Variants in RIMS2 observed in about 807,000 individuals in gnomAD.
RIMS2 encodes the protein regulating synaptic membrane exocytosis 2, also known as regulating synaptic membrane exocytosis protein 2.
A neutral mutation model predicts 174.4 loss-of-function variants in RIMS2; 59 were observed. The observed-to-expected ratio is 0.34, with a 90% confidence interval of 0.27 to 0.42. The LOEUF is 0.42. RIMS2 is among the 10% of genes least tolerant of loss of function. The pLI, the probability that RIMS2 is intolerant of heterozygous loss-of-function variation, is 1.00. For synonymous variants in RIMS2, 606 were observed against 572.5 expected (o/e 1.06, Z -0.84); for missense variants, 1,620 against 1,666.3 (o/e 0.97, Z 0.48).
chr8:104,064,624 C>T (rs1480833465), intron 19 of RIMS2, among the ~76,000 whole-genome samples: 3 of 151,916 alleles, frequency 2.0e-5, no homozygotes, highest in Non-Finnish European at 2.9e-5. Flanking sequence ...ACAACTCTAG[C>T]ATTTATGAAA....
At chr8:103,840,029 A>AT (rs1357947562) in intron 3 of RIMS2, among the ~76,000 whole-genome samples, 2 of 152,176 alleles carry the variant, frequency 1.3e-5, no homozygotes, top group African/African-American at 4.8e-5. Context: ...TGGAAAGCTA[A>AT]TGTGAAGCTT....
chr8:103,698,580 G>A (rs2097133312), intron 2 of RIMS2, among the ~76,000 whole-genome samples: 1 of 151,980 alleles, frequency 6.6e-6, no homozygotes, highest in Non-Finnish European at 1.5e-5. Flanking sequence ...TTGTATTACT[G>A]GGATAAACCT....
chr8:103,545,760 C>T (rs1158261900), intron 1 of RIMS2, among the ~76,000 whole-genome samples: 3 of 151,708 alleles, frequency 2.0e-5, no homozygotes, highest in African/African-American at 4.9e-5. Flanking sequence ...TAAAAAATTT[C>T]ATATCCAGCC....
chr8:103,740,158 G>A (rs1006534027), intron 2 of RIMS2, among the ~76,000 whole-genome samples: 1 of 152,134 alleles, frequency 6.6e-6, no homozygotes, highest in African/African-American at 2.4e-5. Context: ...CTTTTCTTCT[G>A]TTGTCAGAAT....
chr8:104,172,252 G>A (rs117955905), intron 19 of RIMS2, among the ~76,000 whole-genome samples: 2,445 of 152,218 alleles, frequency 0.016, 31 homozygotes, highest in Non-Finnish European at 0.025. Flanking sequence ...CTCTCAGTTA[G>A]GGCATCATCT....
chr8:103,684,788 TG>T (rs1228034370), intron 1 of RIMS2, among the ~76,000 whole-genome samples: 2 of 151,970 alleles, frequency 1.3e-5, no homozygotes, highest in African/African-American at 4.8e-5. Context: ...GATTTCCCTA[TG>T]TTGGCCAGGT....
At chr8:103,819,826 C>A (rs990881183) in intron 3 of RIMS2, among the ~76,000 whole-genome samples, 4 of 152,040 alleles carry the variant, frequency 2.6e-5, no homozygotes, top group African/African-American at 9.7e-5. Flanking sequence ...GAAAAAGCAT[C>A]TTAAATTTAA....
chr8:103,751,141 T>C (rs1323228262), intron 2 of RIMS2, among the ~76,000 whole-genome samples: 2 of 152,226 alleles, frequency 1.3e-5, no homozygotes, highest in East Asian at 1.9e-4. Context: ...AATAAACCTC[T>C]TTCTTTTGTA....
intron 1 of RIMS2, among the ~76,000 whole-genome samples, chr8:103,664,020 A>G (rs888260338): frequency 2.0e-5 from 3 of 151,790 alleles, no homozygotes; most frequent in Non-Finnish European, 4.4e-5. Flanking sequence ...GCTGACAAAA[A>G]CAATGGGGAA....
intron 1 of RIMS2, among the ~76,000 whole-genome samples, chr8:103,628,193 A>G (rs895468820): frequency 3.1e-4 from 47 of 152,182 alleles, no homozygotes; most frequent in Non-Finnish European, 1.3e-4. Flanking sequence ...CAAGTTGGGT[A>G]TGCACACTCC....
intron 2 of RIMS2, among the ~76,000 whole-genome samples, chr8:103,740,963 A>G (rs1406909372): frequency 6.6e-6 from 1 of 152,114 alleles, no homozygotes; most frequent in Non-Finnish European, 1.5e-5. Flanking sequence ...TTAAAAAGAT[A>G]ACCTTTTTAT....
At chr8:103,904,325 G>T (rs534707949) in intron 4 of RIMS2, among the ~76,000 whole-genome samples, 84 of 152,022 alleles carry the variant, frequency 5.5e-4, no homozygotes, top group African/African-American at 2.0e-3. Context: ...AACTATTAAT[G>T]GATATTTTGG....
chr8:103,775,053 A>AT (rs531368251), intron 3 of RIMS2, among the ~76,000 whole-genome samples: 1 of 152,064 alleles, frequency 6.6e-6, no homozygotes, highest in Middle Eastern at 3.2e-3. Flanking sequence ...TCAATAATGG[A>AT]TTTTTTTCAG....
At chr8:103,885,357 G>C in exon 4 of RIMS2, 1 of 1,611,848 alleles carries the variant, frequency 6.2e-7, no homozygotes. Context: ...AGGGAAGAAA[G>C]AGAGGAATAT....
At chr8:103,579,640 C>G (rs960388204) in intron 1 of RIMS2, among the ~76,000 whole-genome samples, 1 of 151,976 alleles carries the variant, frequency 6.6e-6, no homozygotes, top group African/African-American at 2.4e-5. Context: ...TTTAAAATAA[C>G]TTCTTAACCT....
chr8:104,031,284 ACATTT>A (rs1233117213), intron 19 of RIMS2, among the ~76,000 whole-genome samples: 6 of 152,106 alleles, frequency 3.9e-5, no homozygotes, highest in African/African-American at 1.4e-4. Flanking sequence ...TTCTATATAA[ACATTT>A]CATTTCATCA....
chr8:103,623,649 T>C (rs572372857), intron 1 of RIMS2, among the ~76,000 whole-genome samples: 1 of 141,142 alleles, frequency 7.1e-6, no homozygotes, highest in East Asian at 2.0e-4. Flanking sequence ...CACGCCCGGC[T>C]AATTTTTTTT....
chr8:103,540,167 C>G (rs1461739395), intron 1 of RIMS2, among the ~76,000 whole-genome samples: 1 of 152,252 alleles, frequency 6.6e-6, no homozygotes, highest in African/African-American at 2.4e-5. Flanking sequence ...CAGGCCTCAG[C>G]TCCATGGGTA....
At chr8:104,148,658 C>T in intron 19 of RIMS2, 3 of 1,598,142 alleles carry the variant, frequency 1.9e-6, no homozygotes, top group South Asian at 2.2e-5. Flanking sequence ...CAGGGAAGAA[C>T]ATGACAAAAA....
Sources: gnomAD v4.1 joint callset for allele counts (sites outside exome capture counted in the v4.1 genomes callset) on GRCh38, gnomAD v4.1.1 for gene constraint, MANE v1.5 for transcripts, NCBI Gene and HGNC (gene_info 2026-07-23, HGNC 2026-07-21) for gene names.